The following BTBD7 variants were observed in gnomAD, a reference collection of about 807,000 sequenced individuals.
BTBD7 encodes BTB/POZ domain-containing protein 7.
Under a neutral mutation model 99.9 loss-of-function variants are expected in BTBD7, and 38 were observed. That is an observed-to-expected ratio of 0.38 (90% confidence interval 0.29 to 0.50). The LOEUF (loss-of-function observed/expected upper bound fraction) is 0.50, where lower values mean the gene tolerates loss of function less well. Ranked by LOEUF, BTBD7 falls within the 20% of genes least tolerant of loss-of-function variation. The pLI is 0.93. For synonymous variants in BTBD7, 520 were observed against 511.4 expected, an observed-to-expected ratio of 1.02 and a Z score of -0.23; for missense variants, 1,170 against 1,394.6, an observed-to-expected ratio of 0.84 and a Z score of 2.57.
rs777715485 is a variant in BTBD7 at position 93,332,879 on chromosome 14, C to T, written c.-166G>A. ...GGGACCGCTGCCGTCGCCTCCGCCG[C>T]CGCCGCCACCAGCACCGCCGTCCGC... is the stretch of plus-strand genomic sequence containing the variant. On this transcript the variant is annotated 5_prime_UTR_variant, in exon 1 of 11. Transcript: ENST00000334746. 3.4e-6 allele frequency: 5 copies of T among 1,459,470 alleles called. No individual in the cohort carries two copies. In the South Asian group the frequency reaches 6.4e-5, roughly 19 times the overall value. 90.4% of individuals were successfully genotyped at this position (1,459,470 alleles called of 1,614,324 possible). A position where few individuals can be genotyped will look rare whatever the true frequency, so the allele number is the denominator to read the frequency against.
chr14:93,296,649 A>G (rs2052930266), intron 1 of BTBD7, among the ~76,000 whole-genome samples: 6 of 152,216 alleles, frequency 3.9e-5, no homozygotes, highest in Admixed American at 1.3e-4. Flanking sequence ...TAATCTGTAT[A>G]ATTAGGCATT....
chr14:93,332,772 G>C lies in BTBD7; in HGVS notation c.-107+48C>G, dbSNP rs578074695. The C allele has an allele frequency of 1.8e-3, 2,557 of 1,455,642 alleles. 5 individuals are homozygous for C. The highest frequency in any genetic ancestry group is 1.9e-3 in the Non-Finnish European group (2,094 of 1,108,622). 90.2% of individuals were successfully genotyped at this position (1,455,642 alleles called of 1,614,324 possible). A position where few individuals can be genotyped will look rare whatever the true frequency, so the allele number is the denominator to read the frequency against. On this transcript the variant is annotated intron_variant, in intron 1 of 10. Transcript: ENST00000334746. ...TCTCCCGGACGCCCCGCGCCACACCGGACACAGCCTCGGCTCCACAGCCTC... is the reference window on the plus strand; with the variant it reads ...TCTCCCGGACGCCCCGCGCCACACCCGACACAGCCTCGGCTCCACAGCCTC...
intron 1 of BTBD7, among the ~76,000 whole-genome samples, chr14:93,329,617 A>G (rs1306827517): frequency 6.6e-6 from 1 of 152,208 alleles, no homozygotes; most frequent in Non-Finnish European, 1.5e-5. Context: ...CAGCCTTAAA[A>G]AGAAAGCAAA....
rs2052201630 is a variant in BTBD7, at chr14:93,239,786, T to G, written c.*2487A>C. 1.3e-5 allele frequency: 2 copies of G among 152,562 alleles called. No individual in the cohort carries two copies. The highest frequency in any genetic ancestry group is 1.3e-4 in the Admixed American group (2 of 15,272). The allele number at this position is 152,562 out of a possible 1,614,324, so 9.5% of individuals were successfully genotyped here. A position where few individuals can be genotyped will look rare whatever the true frequency, so the allele number is the denominator to read the frequency against. ...AATAATCTTAGGAATAGTGGCCACTTACTTTTATATTTCAGGGATATGAGA... is the reference window on the plus strand; with the variant it reads ...AATAATCTTAGGAATAGTGGCCACTGACTTTTATATTTCAGGGATATGAGA... On this transcript the variant is annotated 3_prime_UTR_variant, in exon 11 of 11. Transcript: ENST00000334746.
chr14:93,325,275 G>C (rs2053317332), intron 1 of BTBD7, among the ~76,000 whole-genome samples: 1 of 151,884 alleles, frequency 6.6e-6, no homozygotes, highest in South Asian at 2.1e-4. Flanking sequence ...CACCACACCA[G>C]ATTTTTGTAT....
intron 1 of BTBD7, among the ~76,000 whole-genome samples, chr14:93,311,283 C>G (rs772824865): frequency 2.0e-5 from 3 of 152,116 alleles, no homozygotes; most frequent in Non-Finnish European, 4.4e-5. Flanking sequence ...ACCTCTGCCT[C>G]CGAGAGCAGA....
chr14:93,242,293 A>G lies in BTBD7; in HGVS notation c.3379T>C (p.Tyr1127His). ...TGCTCTCAGAGGGCAGACTTTTTGTAGAGGAAGTCCGGCTTGCTTGGTGAC... is the reference window on the plus strand; with the variant it reads ...TGCTCTCAGAGGGCAGACTTTTTGTGGAGGAAGTCCGGCTTGCTTGGTGAC... ...RRSPSKPDFL[Y>H]KKSAL Residue 1127 changes from tyrosine (Y) to histidine (H), a missense_variant, in exon 11 of 11, where the codon TAC (tyrosine) becomes CAC (histidine). Transcript: ENST00000334746. 2.5e-6 allele frequency: 4 copies of G among 1,613,674 alleles called. No individual in the cohort carries two copies. The highest frequency in any genetic ancestry group is 3.4e-6 in the Non-Finnish European group (4 of 1,179,616).
At chr14:93,251,834 A>G (rs1485938436) in intron 7 of BTBD7, among the ~76,000 whole-genome samples, 182 bp from the exon 8 acceptor site, 1 of 152,192 alleles carries the variant, frequency 6.6e-6, no homozygotes, top group Non-Finnish European at 1.5e-5. Flanking sequence ...CTCTTTTAGG[A>G]GCATCTTTGA....
intron 3 of BTBD7, among the ~76,000 whole-genome samples, chr14:93,268,478 A>G (rs2052565802): frequency 6.6e-6 from 1 of 152,218 alleles, no homozygotes. Context: ...TAATAATAGT[A>G]GCTAACATTC....
intron 3 of BTBD7, chr14:93,288,307 CT>C (rs2052805131): frequency 1.7e-6 from 1 of 588,908 alleles, no homozygotes; most frequent in South Asian, 2.2e-5. Flanking sequence ...TGGATGAATA[CT>C]CTAGTTTTAT....
In BTBD7 at chr14:93,240,666, AG is replaced by A. The variant is rs964105802; in HGVS notation, c.*1606del. The A allele has an allele frequency of 3.9e-5, 6 of 152,648 alleles. No homozygotes were observed. Among genetic ancestry groups the A allele is most frequent in the African/African-American group, 1.2e-4 (5 of 41,452 alleles). 9.5% of individuals were successfully genotyped at this position (152,648 alleles called of 1,614,324 possible). A position where few individuals can be genotyped will look rare whatever the true frequency, so the allele number is the denominator to read the frequency against. On this transcript the variant is annotated 3_prime_UTR_variant, in exon 11 of 11. Transcript: ENST00000334746. ...TGTTTATGTGTTTGTAAAAATACAA[AG>A]TAAATGCTCAAATAATGTTGAAGTG...
In BTBD7 at chr14:93,240,032, A is replaced by C. The variant is rs1337847879; in HGVS notation, c.*2241T>G. The C allele has an allele frequency of 9.2e-5, 14 of 152,140 alleles. No individual in the cohort carries two copies. Among genetic ancestry groups the C allele is most frequent in the South Asian group, 2.1e-4 (1 of 4,828 alleles). The allele number at this position is 152,140 out of a possible 1,614,324, so 9.4% of individuals were successfully genotyped here. A position where few individuals can be genotyped will look rare whatever the true frequency, so the allele number is the denominator to read the frequency against. On this transcript the variant is annotated 3_prime_UTR_variant, in exon 11 of 11. Transcript: ENST00000334746. ...ATGACGGCATTCACTTTTGTTTCTG[A>C]AGACAGACAGAGACTGGGCTTCAAA... is the stretch of plus-strand genomic sequence containing the variant.
rs765728466 is a variant in BTBD7, at chr14:93,246,243, C to T, written c.2165G>A (p.Ser722Asn). The T allele has an allele frequency of 6.5e-7, 1 of 1,537,020 alleles. No homozygotes were observed. Among genetic ancestry groups the T allele is most frequent in the Non-Finnish European group, 8.8e-7 (1 of 1,140,900 alleles). Residue 722 changes from serine to asparagine, a missense_variant, in exon 10 of 11, where the codon AGT (serine) becomes AAT (asparagine). Transcript: ENST00000334746. ...AGGCTGTCTCATTGTCAAGAGTGGA[C>T]TTTCATCCCCAAAACGTTCATCAGG... ...FFPDERFGDE[S>N]PLLTMRQPGR...
intron 3 of BTBD7, among the ~76,000 whole-genome samples, chr14:93,290,954 G>A (rs183513720): frequency 7.9e-4 from 119 of 150,636 alleles, no homozygotes; most frequent in Non-Finnish European, 1.5e-3. Flanking sequence ...CAAAGTGCTG[G>A]GATTACAAGT....
chr14:93,288,856 T>G (rs2052812321), intron 3 of BTBD7: 1 of 1,183,302 alleles, frequency 8.5e-7, no homozygotes, highest in Non-Finnish European at 1.2e-6. Flanking sequence ...TTCTTGTATT[T>G]GCCTGGCTGG....
At chr14:93,260,461 C>G (rs1595293975) in intron 5 of BTBD7, among the ~76,000 whole-genome samples, 1 of 152,316 alleles carries the variant, frequency 6.6e-6, no homozygotes, top group East Asian at 1.9e-4. Flanking sequence ...GAAAGCCCAG[C>G]CTCCAACATA....
At chr14:93,295,540 T>C (rs1295998083) in intron 2 of BTBD7, among the ~76,000 whole-genome samples, 1 of 152,210 alleles carries the variant, frequency 6.6e-6, no homozygotes, top group African/African-American at 2.4e-5. Context: ...GTCATAGATC[T>C]TAATCATGGG....
chr14:93,287,102 A>G (rs2052787617), intron 3 of BTBD7, among the ~76,000 whole-genome samples: 1 of 151,902 alleles, frequency 6.6e-6, no homozygotes, highest in Non-Finnish European at 1.5e-5. Context: ...GGTGGCAGGC[A>G]CCTGTAATCC....
intron 3 of BTBD7, among the ~76,000 whole-genome samples, chr14:93,293,211 ATT>A (rs1261278316): frequency 6.6e-6 from 1 of 152,194 alleles, no homozygotes; most frequent in Non-Finnish European, 1.5e-5. Context: ...ACTTTCATGA[ATT>A]TGTTTGCCTA....
Sources: gnomAD v4.1 joint callset for allele counts (sites outside exome capture counted in the v4.1 genomes callset) on GRCh38, gnomAD v4.1.1 for gene constraint, MANE v1.5 for transcripts, NCBI Gene and HGNC (gene_info 2026-07-23, HGNC 2026-07-21) for gene names.